NFIC: variants seen among roughly 807,000 people sequenced by gnomAD.
NFIC encodes nuclear factor I C.
Under a neutral mutation model 54.4 loss-of-function variants are expected in NFIC, and 12 were observed. That is an observed-to-expected ratio of 0.22 (90% CI 0.14 to 0.36). The LOEUF (loss-of-function observed/expected upper bound fraction) is 0.36, where lower values mean the gene tolerates loss of function less well. NFIC is among the 10% of genes least tolerant of loss of function. The pLI, the probability that NFIC is intolerant of heterozygous loss-of-function variation, is 1.00. For synonymous variants in NFIC, 322 were observed against 319.2 expected (o/e 1.01, Z -0.09); for missense variants, 575 against 718.2 (o/e 0.80, Z 2.28).
rs143345971 is a variant in NFIC, at chr19:3,449,150, C to T, written c.1084+11C>T. The T allele has an allele frequency of 1.1e-3, 1,842 of 1,607,764 alleles. 20 individuals are homozygous for T. In the African/African-American group the frequency reaches 0.021, roughly 19 times the overall value. ...TCGCCGTGCACAGCGGTAAGCGCCA[C>T]GGGCCCCTGGCGGGGAGGGGCGGCG... On this transcript the variant is annotated intron_variant, in intron 7 of 10. Transcript: ENST00000443272.
At position 3,431,705 on chromosome 19, in the gene NFIC, T is replaced by C. The variant is rs111278591; in HGVS notation, c.635-1813T>C. Among the ~76,000 whole-genome samples the C allele has an allele frequency of 1.2e-4, 18 of 152,160 alleles. 4 individuals carry two copies. The highest frequency in any genetic ancestry group is 4.3e-4 in the African/African-American group (18 of 41,506). ...TTTTTGTAGACACAGGGTTTCGCCA[T>C]GTTGCCCGGGCTGATCTCAAACTCC... On this transcript the variant is annotated intron_variant, in intron 3 of 10. Transcript: ENST00000443272.
In NFIC at chr19:3,458,125, G is replaced by A. The variant is rs61025128; in HGVS notation, c.1509+1490G>A. On this transcript the variant is annotated intron_variant, in intron 10 of 10. Coordinates refer to ENST00000443272, the MANE Select transcript of NFIC (RefSeq NM_001245002.2). This position sits in a 1 kb window ranked among gnomAD's most constrained non-coding sequence, Gnocchi z 4.1. ...AAAGGTTCAGGCTTCCCCACACCCC[G>A]TAAATATTAAGTACCCTGCCTTGCA... 6,602 of 152,334 alleles carry A rather than the reference G, an allele frequency of 0.043. 307 individuals are homozygous for A. The highest frequency in any genetic ancestry group is 0.11 in the African/African-American group (4,612 of 41,494). The allele number at this position is 152,334 out of a possible 1,614,324, so 9.4% of individuals were successfully genotyped here.
chr19:3,380,772 C>T (rs998642124), intron 1 of NFIC, among the ~76,000 whole-genome samples: 5 of 151,956 alleles, frequency 3.3e-5, no homozygotes, highest in Admixed American at 2.0e-4. Context: ...GCTGGGACTA[C>T]AGTTGCAAAC....
chr19:3,408,957 C>G (rs377534118), intron 2 of NFIC, among the ~76,000 whole-genome samples: 1 of 152,098 alleles, frequency 6.6e-6, no homozygotes, highest in African/African-American at 2.4e-5. Context: ...GTCTCGAACT[C>G]CTTGCCTCAA....
intron 3 of NFIC, among the ~76,000 whole-genome samples, chr19:3,425,649 G>A (rs973122702): frequency 2.6e-5 from 4 of 152,034 alleles, no homozygotes; most frequent in South Asian, 4.2e-4. Flanking sequence ...TAGTAGAGAC[G>A]GGGTTTCACC....
chr19:3,381,730 A>G lies in NFIC; in HGVS notation c.49A>G (p.Ile17Val). ...CLTQDEFHPFIEALLPHVRAF... is the reference protein window; with the variant it reads ...CLTQDEFHPFVEALLPHVRAF... ...CCTGCAGGATGAGTTCCACCCGTTC[A>G]TCGAGGCCCTGCTGCCTCACGTCCG... is the stretch of plus-strand genomic sequence containing the variant. The change falls in exon 2 of 11, where the codon ATC (isoleucine) becomes GTC (valine). Residue 17 changes from isoleucine to valine, a missense_variant. By Grantham distance (29) the Ile-to-Val change is conservative. Transcript: ENST00000443272. 1 of 1,613,698 alleles carries G rather than the reference A, an allele frequency of 6.2e-7. No individual in the cohort carries two copies. The highest frequency in any genetic ancestry group is 2.2e-5 in the East Asian group (1 of 44,862).
At position 3,433,601 on chromosome 19, in the gene NFIC, TC is replaced by T. The variant is rs749105421; in HGVS notation, c.709+12del. ...CATCCAAGTGTCCCGGAGTGAGTGTTCCCGTCAGCCCTGAGCTGGGTCTTGG... is the reference window on the plus strand; with the variant it reads ...CATCCAAGTGTCCCGGAGTGAGTGTTCCGTCAGCCCTGAGCTGGGTCTTGG... On this transcript the variant is annotated intron_variant, in intron 4 of 10. Transcript: ENST00000443272. 3.0e-5 allele frequency: 49 copies of T among 1,613,362 alleles called. No homozygotes were observed. The South Asian group carries it at 5.1e-4, about 17-fold the overall frequency.
rs2082561904 is a variant in NFIC at position 3,456,624 on chromosome 19, T to G, written c.1498T>G (p.Tyr500Asp). Residue 500 changes from tyrosine to aspartate, a missense_variant, in exon 10 of 11, where the codon TAT (tyrosine) becomes GAT (aspartate). By Grantham distance (160) the Tyr-to-Asp change is radical. Coordinates refer to ENST00000443272, the MANE Select transcript of NFIC (RefSeq NM_001245002.2). ...AGGACCAAGGGATCCTGCGGGCATT[T>G]ATCAGGCACAGGTAGGGGCCGAGAG... ...GLGPRDPAGIYQAQSWYLG is the reference protein window; with the variant it reads ...GLGPRDPAGIDQAQSWYLG 1 of 1,551,376 alleles carries G rather than the reference T, an allele frequency of 6.4e-7. No homozygotes were observed. The highest frequency in any genetic ancestry group is 8.7e-7 in the Non-Finnish European group (1 of 1,146,666).
At chr19:3,420,265 G>A (rs1364698120) in intron 2 of NFIC, among the ~76,000 whole-genome samples, 1 of 152,102 alleles carries the variant, frequency 6.6e-6, no homozygotes, top group Admixed American at 6.6e-5. Context: ...AGACTGCAGT[G>A]AGCCGTGATT....
At position 3,369,072 on chromosome 19, in the gene NFIC, G is replaced by C. The variant is rs964951724; in HGVS notation, c.30+2406G>C. Reference sequence around the variant, plus strand: ...CTCTGATGTCTCAGTCTCTCCCACTGTCTCTGTCTCTTCATGTCTATCTCA... The same window carrying C: ...CTCTGATGTCTCAGTCTCTCCCACTCTCTCTGTCTCTTCATGTCTATCTCA... On this transcript the variant is annotated intron_variant, in intron 1 of 10. Coordinates refer to ENST00000443272, the MANE Select transcript of NFIC (RefSeq NM_001245002.2). This position sits in a 1 kb window ranked among gnomAD's most constrained non-coding sequence, Gnocchi z 4.3. Among the ~76,000 whole-genome samples the C allele has an allele frequency of 6.6e-6, 1 of 151,720 alleles. No individual in the cohort carries two copies. The highest frequency in any genetic ancestry group is 2.4e-5 in the African/African-American group (1 of 41,246).
chr19:3,436,625 C>T (rs1489663523), intron 6 of NFIC, among the ~76,000 whole-genome samples: 1 of 151,916 alleles, frequency 6.6e-6, no homozygotes, highest in African/African-American at 2.4e-5. Context: ...CAGGCACCCA[C>T]CACCACACCC....
At chr19:3,371,927 CCTTCCTTCCT>C (rs1568400053) in intron 1 of NFIC, among the ~76,000 whole-genome samples, 38 of 134,068 alleles carry the variant, frequency 2.8e-4, no homozygotes, top group South Asian at 8.0e-4. Context: ...TTCCTTCCTT[CCTTCCTTCCT>C]TCCCTCCCTC....
intron 2 of NFIC, among the ~76,000 whole-genome samples, chr19:3,405,288 C>A (rs951215007): frequency 1.2e-4 from 18 of 152,216 alleles, no homozygotes; most frequent in African/African-American, 4.1e-4. Context: ...CCCCCCAGGT[C>A]ACATCCAGAT....
chr19:3,421,967 C>T (rs753888971), intron 2 of NFIC, among the ~76,000 whole-genome samples: 4 of 152,006 alleles, frequency 2.6e-5, no homozygotes, highest in Non-Finnish European at 5.9e-5. Context: ...GAGTTTTGCT[C>T]TTGTTGCCCA....
At chr19:3,456,245 C>T (rs981532883) in intron 9 of NFIC, among the ~76,000 whole-genome samples, 2 of 152,232 alleles carry the variant, frequency 1.3e-5, no homozygotes, top group Non-Finnish European at 2.9e-5. Flanking sequence ...GAATAATTCA[C>T]GGGCGGTTTT....
At position 3,464,599 on chromosome 19, in the gene NFIC, C is replaced by G. The variant is rs1250096100; in HGVS notation, c.*1830C>G. The G allele has an allele frequency of 1.0e-6, 1 of 971,704 alleles. No homozygotes were observed. Among genetic ancestry groups the G allele is most frequent in the South Asian group, 4.8e-5 (1 of 21,004 alleles). The allele number at this position is 971,704 out of a possible 1,614,324, so 60.2% of individuals were successfully genotyped here. ...CCCCCACCACTGCCCCCTCCCCCGACCCAGGCCAAAGCCAGGGCAGGTCTC... is the reference window on the plus strand; with the variant it reads ...CCCCCACCACTGCCCCCTCCCCCGAGCCAGGCCAAAGCCAGGGCAGGTCTC... On this transcript the variant is annotated 3_prime_UTR_variant, in exon 11 of 11. Transcript: ENST00000443272.
intron 2 of NFIC, among the ~76,000 whole-genome samples, chr19:3,392,067 C>CTTTTTT (rs781703569): frequency 1.7e-4 from 17 of 101,296 alleles, no homozygotes; most frequent in East Asian, 2.6e-4. Context: ...GATAATAGCT[C>CTTTTTT]TTTTTTTTTT....
At chr19:3,407,580 A>G (rs1159726955) in intron 2 of NFIC, among the ~76,000 whole-genome samples, 2 of 151,916 alleles carry the variant, frequency 1.3e-5, no homozygotes, top group Non-Finnish European at 1.5e-5. Flanking sequence ...GATTACAGGC[A>G]TGCACCACCA....
intron 7 of NFIC, among the ~76,000 whole-genome samples, chr19:3,450,431 G>A (rs1458646094): frequency 6.6e-5 from 10 of 151,738 alleles, no homozygotes; most frequent in Admixed American, 3.9e-4. Context: ...CGAGGCAGGC[G>A]GATCACCTGA....
Sources: gnomAD v4.1 joint callset for allele counts (sites outside exome capture counted in the v4.1 genomes callset) on GRCh38, gnomAD v4.1.1 for gene constraint, Gnocchi (gnomAD v3.1) non-coding constraint, MANE v1.5 for transcripts, NCBI Gene and HGNC (gene_info 2026-07-23, HGNC 2026-07-21) for gene names.